HEG1: variants seen among roughly 807,000 people sequenced by gnomAD.
HEG1 encodes protein HEG homolog 1.
Under a neutral mutation model 125.6 loss-of-function variants are expected in HEG1, and 56 were observed. The ratio of observed to expected loss-of-function variants is 0.45; its 90% CI spans 0.36 to 0.56. The LOEUF (loss-of-function observed/expected upper bound fraction) is 0.56. Among genes scored for constraint, HEG1 ranks in the 20% least tolerant of loss-of-function variants. The pLI is 0.00. For missense variants in HEG1, 1,523 were observed against 1,670.0 expected (o/e 0.91, Z 1.53); for synonymous variants, 644 against 668.5 (o/e 0.96, Z 0.57).
At chr3:125,040,280 C>A (rs567374530) in intron 1 of HEG1, among the ~76,000 whole-genome samples, 11 of 152,024 alleles carry the variant, frequency 7.2e-5, no homozygotes, top group Non-Finnish European at 5.9e-5. Context: ...GACTGATTCC[C>A]GGGAAAACTT....
chr3:125,047,496 T>C (rs913555142), intron 1 of HEG1, among the ~76,000 whole-genome samples: 7 of 152,188 alleles, frequency 4.6e-5, no homozygotes, highest in African/African-American at 7.2e-5. Flanking sequence ...AGGGTTTGAA[T>C]TGAGACTGTC....
chr3:125,049,450 C>T (rs774727230), intron 1 of HEG1, among the ~76,000 whole-genome samples: 3 of 152,218 alleles, frequency 2.0e-5, no homozygotes, highest in Non-Finnish European at 4.4e-5. Flanking sequence ...CCTCTTCCTC[C>T]GTGGCTTTAA....
At position 124,968,261 on chromosome 3, in the gene HEG1, A is replaced by C. The variant is rs1037861886; in HGVS notation, c.*2391T>G. 1 of 152,380 alleles carries C rather than the reference A, an allele frequency of 6.6e-6. No individual in the cohort carries two copies. The highest frequency in any genetic ancestry group is 1.5e-5 in the Non-Finnish European group (1 of 68,224). 9.4% of individuals were successfully genotyped at this position (152,380 alleles called of 1,614,324 possible). On this transcript the variant is annotated 3_prime_UTR_variant, in exon 17 of 17. Coordinates refer to ENST00000311127, the MANE Select transcript of HEG1 (RefSeq NM_020733.2). ...AGCTAGGAACCCCGTGCAGGAGTGC[A>C]GCTGGCCTCTCCCTTCCTCACTGGG...
At chr3:125,051,052 A>C (rs752272789) in intron 1 of HEG1, among the ~76,000 whole-genome samples, 1 of 152,224 alleles carries the variant, frequency 6.6e-6, no homozygotes, top group Non-Finnish European at 1.5e-5. Context: ...GAGAGGGCCC[A>C]TTAAGAAAGT....
intron 13 of HEG1, 57 bp from the exon 14 acceptor site, chr3:124,990,881 A>T: frequency 6.4e-7 from 1 of 1,553,838 alleles, no homozygotes; most frequent in Middle Eastern, 1.7e-4. Context: ...AAAAGAAATA[A>T]GTGAGGCAAT....
At chr3:124,990,856 T>G in intron 13 of HEG1, 32 bp from the exon 14 acceptor site, 8 of 1,558,600 alleles carry the variant, frequency 5.1e-6, no homozygotes, top group Non-Finnish European at 7.0e-6. Context: ...AGGGCAAGAA[T>G]TAGTTTCCAA....
At position 125,019,459 on chromosome 3, in the gene HEG1, G is replaced by A. The variant is rs1224955611; in HGVS notation, c.1391C>T (p.Thr464Ile). Reference sequence around the variant, plus strand: ...GCTTCCTGTCACATCTGCAGATGTTGTGCTGTTGGTCAAGAGCCAGTGTGC... The same window carrying A: ...GCTTCCTGTCACATCTGCAGATGTTATGCTGTTGGTCAAGAGCCAGTGTGC... ...ITAHWLLTNS[T>I]TSADVTGSSA... The change falls in exon 5 of 17, where the codon ACA (threonine) becomes ATA (isoleucine). Residue 464 changes from threonine to isoleucine, a missense_variant. Physicochemically the swap from Thr to Ile is moderately conservative, Grantham distance 89. Transcript: ENST00000311127. 1.2e-6 allele frequency: 2 copies of A among 1,614,024 alleles called. No homozygotes were observed. The highest frequency in any genetic ancestry group is 1.7e-6 in the Non-Finnish European group (2 of 1,179,882).
intron 12 of HEG1, among the ~76,000 whole-genome samples, chr3:124,994,354 C>A (rs1224329816): frequency 6.6e-6 from 1 of 152,192 alleles, no homozygotes; most frequent in African/African-American, 2.4e-5. Flanking sequence ...GGGACCCCTG[C>A]CCCAGAGGTA....
chr3:125,004,103 A>T (rs1937037342), intron 9 of HEG1, among the ~76,000 whole-genome samples: 1 of 152,204 alleles, frequency 6.6e-6, no homozygotes, highest in East Asian at 1.9e-4. Flanking sequence ...TTCTATCTGC[A>T]GATGTGCTGG....
intron 14 of HEG1, among the ~76,000 whole-genome samples, chr3:124,988,312 G>A (rs565719915): frequency 1.3e-5 from 2 of 152,162 alleles, no homozygotes; most frequent in South Asian, 4.2e-4. Context: ...CTTTAGAAAG[G>A]ACATGTACTG....
chr3:125,040,170 C>T (rs1006864784), intron 1 of HEG1, among the ~76,000 whole-genome samples: 1 of 152,190 alleles, frequency 6.6e-6, no homozygotes, highest in African/African-American at 2.4e-5. Flanking sequence ...GATGTTACAA[C>T]TTCCAAGGGA....
chr3:124,978,039 C>T, intron 14 of HEG1, 93 bp from the exon 15 acceptor site: 1 of 918,136 alleles, frequency 1.1e-6, no homozygotes, highest in South Asian at 1.6e-5. Flanking sequence ...TCTACAGTCA[C>T]CACCCTGCCT....
At chr3:124,973,362 C>G (rs1431816884) in intron 16 of HEG1, among the ~76,000 whole-genome samples, 2 of 152,100 alleles carry the variant, frequency 1.3e-5, no homozygotes, top group Non-Finnish European at 2.9e-5. Flanking sequence ...AAGTACCTAA[C>G]CACACAAGGT....
intron 1 of HEG1, among the ~76,000 whole-genome samples, chr3:125,038,473 A>G (rs558836977): frequency 2.7e-4 from 41 of 152,264 alleles, no homozygotes; most frequent in African/African-American, 9.4e-4. Flanking sequence ...AATAAACCAC[A>G]TAGCTGGAGC....
At chr3:124,976,778 T>C (rs1183880474) in intron 15 of HEG1, among the ~76,000 whole-genome samples, 2 of 152,154 alleles carry the variant, frequency 1.3e-5, no homozygotes, top group Admixed American at 1.3e-4. Context: ...AAGAGCCTGA[T>C]ACCTCTCCCC....
At chr3:125,041,757 T>C (rs1937595313) in intron 1 of HEG1, among the ~76,000 whole-genome samples, 1 of 152,240 alleles carries the variant, frequency 6.6e-6, no homozygotes, top group Admixed American at 6.5e-5. Flanking sequence ...AATGGGATAT[T>C]ATTCAGCCTT....
rs371560769 is a variant in HEG1 at position 125,029,351 on chromosome 3, C to T, written c.454G>A (p.Ala152Thr). ...VMVQTSGKSH[A>T]ASDAPENLTL... is the part of the protein sequence containing the mutation. The stretch of plus-strand genomic sequence containing the variant: ...AGGTTTTCTGGAGCATCCGAAGCAG[C>T]ATGGCTCTTCCCAGAGGTCTGAACC... Residue 152 changes from alanine to threonine, a missense_variant, in exon 2 of 17, where the codon GCT becomes ACT. Transcript: ENST00000311127. 5.2e-5 allele frequency: 84 copies of T among 1,613,860 alleles called. No homozygotes were observed. The highest frequency in any genetic ancestry group is 6.8e-5 in the Non-Finnish European group (80 of 1,179,906).
rs1937125741 is a variant in HEG1 at position 125,009,835 on chromosome 3, G to A, written c.3074-11C>T. 3 of 1,601,672 alleles carry A rather than the reference G, an allele frequency of 1.9e-6. No individual in the cohort carries two copies. Among genetic ancestry groups the A allele is most frequent in the Non-Finnish European group, 2.6e-6 (3 of 1,173,256 alleles). Reference sequence around the variant, plus strand: ...GGCACTCATTCACATCTGTAGAGGAGAAAAAAGAAGAACATCTTGCATCTG... The same window carrying A: ...GGCACTCATTCACATCTGTAGAGGAAAAAAAAGAAGAACATCTTGCATCTG... On this transcript the variant is annotated splice_polypyrimidine_tract_variant and intron_variant, in intron 7 of 16. Coordinates refer to ENST00000311127, the MANE Select transcript of HEG1 (RefSeq NM_020733.2).
chr3:125,031,580 T>C (rs945668271), intron 1 of HEG1, among the ~76,000 whole-genome samples: 2 of 152,108 alleles, frequency 1.3e-5, no homozygotes, highest in African/African-American at 2.4e-5. Context: ...TCGATTTATA[T>C]GAATCAAACA....
Sources: allele counts gnomAD v4.1 joint callset (sites outside exome capture counted in the v4.1 genomes callset), GRCh38; gene constraint gnomAD v4.1.1; transcripts MANE v1.5; gene names NCBI Gene and HGNC (gene_info 2026-07-23, HGNC 2026-07-21).